Variants in MAP9 observed in about 807,000 individuals in gnomAD.
MAP9 encodes the protein microtubule associated protein 9, also known as microtubule-associated protein 9.
A neutral mutation model predicts 75.2 loss-of-function variants in MAP9; 80 were observed. That is an observed-to-expected ratio of 1.06 (90% CI 0.89 to 1.28). The LOEUF (loss-of-function observed/expected upper bound fraction) is 1.28, where lower values mean the gene tolerates loss of function less well. Ranked by LOEUF, MAP9 falls within the 50% of genes most tolerant of loss-of-function variation. The pLI, the probability that MAP9 is intolerant of heterozygous loss-of-function variation, is 0.00. For missense variants in MAP9, 753 were observed against 719.9 expected (o/e 1.05, Z -0.53); for synonymous variants, 235 against 237.3 (o/e 0.99, Z 0.09).
chr4:155,372,000 C>T (rs1246920737), intron 4 of MAP9, among the ~76,000 whole-genome samples: 1 of 152,138 alleles, frequency 6.6e-6, no homozygotes, highest in African/African-American at 2.4e-5. Context: ...AATAAACTCT[C>T]ACAATTTTGC....
rs1183830915 is a variant in MAP9 at position 155,352,897 on chromosome 4, A to G, written c.1688+15T>C. ...TAATTTAAAATATATCAAAATATTTATGATTTTGGATTACCATTTCTCAAC... is the reference window on the plus strand; with the variant it reads ...TAATTTAAAATATATCAAAATATTTGTGATTTTGGATTACCATTTCTCAAC... On this transcript the variant is annotated intron_variant, in intron 12 of 13. Transcript: ENST00000311277. 16 of 1,490,300 alleles carry G rather than the reference A, an allele frequency of 1.1e-5. No individual in the cohort carries two copies. The highest frequency in any genetic ancestry group is 1.4e-5 in the Non-Finnish European group (15 of 1,109,046). 92.3% of individuals were successfully genotyped at this position (1,490,300 alleles called of 1,614,324 possible).
rs796741292 is a variant in MAP9, at chr4:155,371,805, TCAGA to T, written c.481+1327_481+1330del. Among the ~76,000 whole-genome samples the T allele has an allele frequency of 1.2e-3, 186 of 152,106 alleles. 1 individual carries two copies. Among genetic ancestry groups the T allele is most frequent in the African/African-American group, 4.3e-3 (178 of 41,522 alleles). ...TTCTAATTATATACATCCACCTGTC[TCAGA>T]CAAATTTTTAGTTGCTATATATGCT... On this transcript the variant is annotated intron_variant, in intron 4 of 13. Transcript: ENST00000311277.
chr4:155,371,869 C>T (rs988228321), intron 4 of MAP9, among the ~76,000 whole-genome samples: 1 of 152,068 alleles, frequency 6.6e-6, no homozygotes, highest in Non-Finnish European at 1.5e-5. Flanking sequence ...AATTATGTTC[C>T]TCTTCTCTCC....
Position 155,375,892 on chromosome 4 carries a change from T to C in MAP9, c.-42A>G. On this transcript the variant is annotated 5_prime_UTR_variant, in exon 2 of 14. Coordinates refer to ENST00000311277, the MANE Select transcript of MAP9 (RefSeq NM_001039580.2). ...TTACCTTTATAAAATAGCTAATTAT[T>C]AGAATTCAACTTCTGATAGTAGCTG... is the stretch of plus-strand genomic sequence containing the variant. 2 of 1,333,748 alleles carry C rather than the reference T, an allele frequency of 1.5e-6. No individual in the cohort carries two copies. The highest frequency in any genetic ancestry group is 1.2e-5 in the South Asian group (1 of 81,516). The allele number at this position is 1,333,748 out of a possible 1,614,324, so 82.6% of individuals were successfully genotyped here. A position where few individuals can be genotyped will look rare whatever the true frequency, so the allele number is the denominator to read the frequency against.
chr4:155,374,381 T>G (rs1732743081), intron 3 of MAP9, among the ~76,000 whole-genome samples: 1 of 152,110 alleles, frequency 6.6e-6, no homozygotes, highest in South Asian at 2.1e-4. Flanking sequence ...TTTAGAATTC[T>G]GTATGCTTAT....
chr4:155,361,183 T>C (rs1387230979), intron 6 of MAP9: 1 of 152,050 alleles, frequency 6.6e-6, no homozygotes, highest in Non-Finnish European at 1.5e-5. Flanking sequence ...TGACCATTTT[T>C]TTGGAATTTG....
intron 6 of MAP9, among the ~76,000 whole-genome samples, chr4:155,361,514 CT>C (rs1448448780): frequency 6.6e-6 from 1 of 152,002 alleles, no homozygotes; most frequent in African/African-American, 2.4e-5. Context: ...ACACCAAGTG[CT>C]TACTATGGTA....
At chr4:155,374,704 C>T (rs1194791641) in intron 3 of MAP9, among the ~76,000 whole-genome samples, 1 of 152,070 alleles carries the variant, frequency 6.6e-6, no homozygotes, top group African/African-American at 2.4e-5. Context: ...TTTATATTTT[C>T]GTATACACAT....
intron 8 of MAP9, among the ~76,000 whole-genome samples, chr4:155,356,677 T>C (rs753935863): frequency 2.0e-5 from 3 of 152,204 alleles, no homozygotes; most frequent in East Asian, 1.9e-4. Flanking sequence ...ACAAAGTTTA[T>C]TGCACCATAG....
At chr4:155,372,819 A>G (rs1038990061) in intron 4 of MAP9, among the ~76,000 whole-genome samples, 2 of 152,216 alleles carry the variant, frequency 1.3e-5, no homozygotes, top group African/African-American at 4.8e-5. Context: ...ACTGAAGCTC[A>G]CAGGTCTAGG....
At chr4:155,360,573 T>TGCATAAAC in intron 6 of MAP9, 158 bp from the exon 7 acceptor site, 1 of 679,354 alleles carries the variant, frequency 1.5e-6, no homozygotes, top group Non-Finnish European at 2.3e-6. Context: ...ATAAACTCTT[T>TGCATAAAC]TCGAAAGTGA....
Position 155,357,473 on chromosome 4 carries a change from T to C in MAP9, c.1097A>G (p.Asn366Ser), listed in dbSNP as rs1368774121. The C allele has an allele frequency of 1.9e-6, 3 of 1,561,556 alleles. No homozygotes were observed. Among genetic ancestry groups the C allele is most frequent in the Admixed American group, 1.7e-5 (1 of 59,802 alleles). Residue 366 changes from asparagine to serine, a missense_variant, in exon 8 of 14, where the codon AAT becomes AGT. Physicochemically the swap from Asn to Ser is conservative, Grantham distance 46 (BLOSUM62 1). Coordinates refer to ENST00000311277, the MANE Select transcript of MAP9 (RefSeq NM_001039580.2). ...RNIKNKKSTN[N>S]RASSASARLM... ...CCTGGCAGATGCACTGGATGCTCTA[T>C]TATTTGTTGACTTTTTATTCTTTAT... is the stretch of plus-strand genomic sequence containing the variant.
chr4:155,359,210 TACACACACACACACACAC>T (rs56261222), intron 7 of MAP9, among the ~76,000 whole-genome samples: 2 of 145,478 alleles, frequency 1.4e-5, no homozygotes, highest in South Asian at 2.2e-4. Flanking sequence ...AAAATGTGTA[TACACACACACACACACAC>T]ACACACACAC....
intron 5 of MAP9, among the ~76,000 whole-genome samples, chr4:155,365,019 C>T (rs891675695): frequency 6.6e-6 from 1 of 151,758 alleles, no homozygotes; most frequent in Non-Finnish European, 1.5e-5. Context: ...TAAAGAGCAA[C>T]AAATTGCTCC....
intron 13 of MAP9, chr4:155,352,182 A>G (rs1731541123): frequency 6.0e-6 from 1 of 165,844 alleles, no homozygotes; most frequent in Non-Finnish European, 1.3e-5. Context: ...TCAAAAGAGA[A>G]TAAAAGATGG....
intron 7 of MAP9, among the ~76,000 whole-genome samples, chr4:155,359,533 T>C (rs1278893805): frequency 6.6e-6 from 1 of 151,988 alleles, no homozygotes; most frequent in Non-Finnish European, 1.5e-5. Context: ...CTACACAATA[T>C]ATCCATGTAA....
chr4:155,356,711 T>C (rs1731805528), intron 8 of MAP9, among the ~76,000 whole-genome samples: 1 of 152,200 alleles, frequency 6.6e-6, no homozygotes, highest in Admixed American at 6.5e-5. Flanking sequence ...TGTTAAGTTT[T>C]GCCTGTGGCT....
intron 4 of MAP9, among the ~76,000 whole-genome samples, chr4:155,370,731 A>C (rs944523604): frequency 3.9e-5 from 6 of 152,228 alleles, no homozygotes; most frequent in African/African-American, 1.4e-4. Context: ...TGTTAACTAT[A>C]GGCACAATGT....
intron 7 of MAP9, 27 bp from the exon 8 acceptor site, chr4:155,357,546 A>T (rs1398309323): frequency 3.0e-6 from 4 of 1,340,124 alleles, no homozygotes. Context: ...GCCAAAGATG[A>T]TTTATTCATG....
Sources: gnomAD v4.1 joint callset for allele counts (sites outside exome capture counted in the v4.1 genomes callset) on GRCh38, gnomAD v4.1.1 for gene constraint, MANE v1.5 for transcripts, NCBI Gene and HGNC (gene_info 2026-07-23, HGNC 2026-07-21) for gene names.